The following CD96 variants were observed in gnomAD, a reference collection of about 807,000 sequenced individuals.
The protein encoded by CD96 is T-cell surface protein tactile.
In CD96, 70 loss-of-function variants were observed where a neutral mutation model predicts 71.3. The observed-to-expected ratio is 0.98, with a 90% CI of 0.81 to 1.20. The LOEUF (loss-of-function observed/expected upper bound fraction) is 1.20. Ranked by LOEUF, CD96 falls within the 50% of genes most tolerant of loss-of-function variation. The probability of loss-of-function intolerance (pLI) is 0.00; values close to 1 mark genes in which losing one functional copy is unlikely to be tolerated. For missense variants in CD96, 742 were observed against 677.5 expected (o/e 1.10, Z -1.06); for synonymous variants, 248 against 233.0 (o/e 1.06, Z -0.59).
intron 10 of CD96, 53 bp downstream of exon 10, chr3:111,624,457 G>T (rs996343764): frequency 1.0e-6 from 1 of 980,658 alleles, no homozygotes. Flanking sequence ...TCATTCATCC[G>T]ACAGATATAT....
chr3:111,628,102 C>T (rs1288361092), intron 10 of CD96, among the ~76,000 whole-genome samples: 2 of 152,006 alleles, frequency 1.3e-5, no homozygotes, highest in Non-Finnish European at 2.9e-5. Context: ...AAAAAAACAA[C>T]AACCAGAATG....
intron 10 of CD96, among the ~76,000 whole-genome samples, chr3:111,624,803 T>C (rs1230159286): frequency 3.3e-5 from 5 of 152,156 alleles, no homozygotes; most frequent in African/African-American, 1.2e-4. Flanking sequence ...GCAAACTAGC[T>C]AGAAAATGCG....
chr3:111,626,691 C>G (rs1422525293), intron 10 of CD96, among the ~76,000 whole-genome samples: 1 of 152,042 alleles, frequency 6.6e-6, no homozygotes, highest in African/African-American at 2.4e-5. Flanking sequence ...TGGCCATAGT[C>G]AGGAGGACAG....
At chr3:111,604,584 A>G (rs1275094252) in intron 7 of CD96, among the ~76,000 whole-genome samples, 1 of 152,220 alleles carries the variant, frequency 6.6e-6, no homozygotes, top group African/African-American at 2.4e-5. Context: ...TCTTACAATA[A>G]TATCTTCTTA....
chr3:111,543,685 T>C (rs559465275), intron 1 of CD96, among the ~76,000 whole-genome samples: 45 of 152,314 alleles, frequency 3.0e-4, no homozygotes, highest in African/African-American at 1.1e-3. Flanking sequence ...CCTCCCAGCA[T>C]TGCTAACAAG....
At chr3:111,603,680 G>A (rs1937550465) in intron 7 of CD96, among the ~76,000 whole-genome samples, 2 of 152,184 alleles carry the variant, frequency 1.3e-5, no homozygotes, top group Admixed American at 1.3e-4. Context: ...ATGGATTTCT[G>A]ACTGTAGCTG....
intron 9 of CD96, 39 bp from the exon 10 acceptor site, chr3:111,624,294 C>T (rs763214238): frequency 4.1e-5 from 57 of 1,388,488 alleles, no homozygotes; most frequent in Non-Finnish European, 5.0e-5. Context: ...TTACAGCTTT[C>T]GAAAAAAGCT....
intron 2 of CD96, among the ~76,000 whole-genome samples, chr3:111,566,714 T>A (rs1465858582): frequency 6.6e-6 from 1 of 152,174 alleles, no homozygotes; most frequent in Non-Finnish European, 1.5e-5. Context: ...AATGGATATT[T>A]ATCTTCTATT....
intron 5 of CD96, chr3:111,595,286 A>G (rs1279605223): frequency 6.6e-6 from 1 of 152,140 alleles, no homozygotes; most frequent in African/African-American, 2.4e-5. Context: ...CCCCAGCCAC[A>G]AGTGGGTACT....
chr3:111,608,753 ATAAC>A (rs1937757033), intron 8 of CD96, among the ~76,000 whole-genome samples: 1 of 152,238 alleles, frequency 6.6e-6, no homozygotes, highest in South Asian at 2.1e-4. Context: ...TATTAGTTGA[ATAAC>A]TAACTGAATG....
chr3:111,623,318 A>C (rs1165181972), intron 8 of CD96, among the ~76,000 whole-genome samples: 1 of 152,172 alleles, frequency 6.6e-6, no homozygotes, highest in African/African-American at 2.4e-5. Flanking sequence ...TGACTTTGCA[A>C]ACTAACAATT....
At chr3:111,555,858 C>A (rs1288116555) in intron 2 of CD96, among the ~76,000 whole-genome samples, 2 of 152,300 alleles carry the variant, frequency 1.3e-5, no homozygotes. Context: ...TGATCCATCC[C>A]CTTACTCTTT....
At chr3:111,574,477 A>C (rs1936133011) in intron 3 of CD96, among the ~76,000 whole-genome samples, 1 of 152,200 alleles carries the variant, frequency 6.6e-6, no homozygotes, top group South Asian at 2.1e-4. Context: ...CTGTAGTACA[A>C]AGATTCCTGT....
intron 2 of CD96, among the ~76,000 whole-genome samples, chr3:111,561,468 T>G (rs75492922): frequency 0.28 from 32,716 of 116,762 alleles, 5,456 homozygotes; most frequent in Middle Eastern, 0.42. Context: ...ATACCCTGCC[T>G]TGTGAGGTGT....
intron 4 of CD96, among the ~76,000 whole-genome samples, chr3:111,580,914 C>G (rs1342158830): frequency 1.3e-5 from 2 of 152,232 alleles, no homozygotes; most frequent in Non-Finnish European, 2.9e-5. Context: ...AGGCAGCCAT[C>G]CTCAATGTAG....
At chr3:111,625,601 T>C (rs1248138262) in intron 10 of CD96, among the ~76,000 whole-genome samples, 3 of 152,104 alleles carry the variant, frequency 2.0e-5, no homozygotes, top group Non-Finnish European at 4.4e-5. Context: ...ACCCCTGCCA[T>C]GCACATTACA....
At chr3:111,552,453 A>G (rs555243138) in intron 2 of CD96, among the ~76,000 whole-genome samples, 4 of 152,272 alleles carry the variant, frequency 2.6e-5, no homozygotes, top group African/African-American at 7.2e-5. Context: ...AAGAACTGAG[A>G]TAAACAAATA....
chr3:111,665,373 A>G (rs1940458171), intron 14 of CD96, among the ~76,000 whole-genome samples: 1 of 152,178 alleles, frequency 6.6e-6, no homozygotes. Flanking sequence ...CAGTATGACA[A>G]AATCCAAAAT....
intron 2 of CD96, among the ~76,000 whole-genome samples, chr3:111,556,882 G>T (rs1474763938): frequency 9.6e-5 from 14 of 145,764 alleles, no homozygotes; most frequent in South Asian, 4.4e-4. Flanking sequence ...TCCTGACTTT[G>T]TAATGATTGT....
Sources: gnomAD v4.1 joint callset for allele counts (sites outside exome capture counted in the v4.1 genomes callset) on GRCh38, gnomAD v4.1.1 for gene constraint, MANE v1.5 for transcripts, NCBI Gene and HGNC (gene_info 2026-07-23, HGNC 2026-07-21) for gene names.